Variants in PARP8 observed in about 807,000 individuals in gnomAD.
PARP8 encodes the protein poly(ADP-ribose) polymerase family member 8, also known as protein mono-ADP-ribosyltransferase PARP8.
Under a neutral mutation model 124.1 loss-of-function variants are expected in PARP8, and 51 were observed. The observed-to-expected ratio is 0.41, with a 90% CI of 0.33 to 0.52. The LOEUF is 0.52. Among genes scored for constraint, PARP8 ranks in the 20% least tolerant of loss-of-function variants. PARP8 has a pLI of 0.21. For missense variants in PARP8, 860 were observed against 1,018.9 expected, an observed-to-expected ratio of 0.84 and a Z score of 2.12; for synonymous variants, 391 against 361.5, an observed-to-expected ratio of 1.08 and a Z score of -0.93.
At chr5:50,739,719 T>G (rs989434047) in intron 2 of PARP8, among the ~76,000 whole-genome samples, 2 of 99,882 alleles carry the variant, frequency 2.0e-5, no homozygotes, top group Non-Finnish European at 4.2e-5. Flanking sequence ...CATATATATA[T>G]ATATATATAT....
At chr5:50,713,842 C>T (rs4866001) in intron 2 of PARP8, among the ~76,000 whole-genome samples, 3,339 of 152,054 alleles carry the variant, frequency 0.022, 61 homozygotes, top group Admixed American at 0.061. Context: ...TGAAGATGCT[C>T]TGCTGCAGCC....
intron 9 of PARP8, among the ~76,000 whole-genome samples, chr5:50,786,811 A>G (rs1741307035): frequency 6.6e-6 from 1 of 151,978 alleles, no homozygotes; most frequent in South Asian, 2.1e-4. Flanking sequence ...ACATAGACTT[A>G]CTGAGTGGTT....
chr5:50,706,285 A>T (rs573886381), intron 2 of PARP8, among the ~76,000 whole-genome samples: 1 of 152,020 alleles, frequency 6.6e-6, no homozygotes, highest in East Asian at 1.9e-4. Flanking sequence ...ATGCTTTTAC[A>T]TATATTTTAT....
chr5:50,788,416 G>C, intron 9 of PARP8, 107 bp from the exon 10 acceptor site: 1 of 889,944 alleles, frequency 1.1e-6, no homozygotes, highest in South Asian at 1.5e-5. Flanking sequence ...GTTTTTAAAT[G>C]TGTATATGTA....
At chr5:50,719,421 T>C (rs1755652077) in intron 2 of PARP8, among the ~76,000 whole-genome samples, 1 of 152,064 alleles carries the variant, frequency 6.6e-6, no homozygotes, top group Non-Finnish European at 1.5e-5. Context: ...TTCTGGAGTG[T>C]TTCTCAGTGT....
chr5:50,682,567 A>G (rs1285929104), intron 2 of PARP8, among the ~76,000 whole-genome samples: 1 of 152,168 alleles, frequency 6.6e-6, no homozygotes, highest in East Asian at 1.9e-4. Context: ...TTTAAGTTAA[A>G]AAAAAATTAC....
At chr5:50,734,911 G>A (rs1187636785) in intron 2 of PARP8, among the ~76,000 whole-genome samples, 1 of 152,088 alleles carries the variant, frequency 6.6e-6, no homozygotes, top group African/African-American at 2.4e-5. Flanking sequence ...AAGGGAAGCT[G>A]AGACAATGGG....
intron 15 of PARP8, among the ~76,000 whole-genome samples, chr5:50,815,809 C>G (rs549941851): frequency 5.9e-5 from 9 of 152,046 alleles, no homozygotes; most frequent in Admixed American, 3.9e-4. Flanking sequence ...ATATTGAAAC[C>G]CTCGTGCATG....
intron 2 of PARP8, among the ~76,000 whole-genome samples, chr5:50,725,061 C>T (rs894260246): frequency 8.9e-5 from 10 of 112,502 alleles, no homozygotes; most frequent in Non-Finnish European, 1.8e-4. Flanking sequence ...AGTAGTATTC[C>T]ATTGTGTGTG....
At chr5:50,720,762 C>T (rs1755794324) in intron 2 of PARP8, among the ~76,000 whole-genome samples, 1 of 151,516 alleles carries the variant, frequency 6.6e-6, no homozygotes, top group African/African-American at 2.4e-5. Flanking sequence ...CCACAAAAGC[C>T]TGCTTTTCCA....
rs573880047 is a variant in PARP8 at position 50,676,319 on chromosome 5, G to A, written c.146+8194G>A. Among the ~76,000 whole-genome samples the A allele has an allele frequency of 1.2e-4, 18 of 152,338 alleles. 1 individual carries two copies. Among genetic ancestry groups the A allele is most frequent in the African/African-American group, 4.3e-4 (18 of 41,576 alleles). On this transcript the variant is annotated intron_variant, in intron 2 of 25. Transcript: ENST00000281631. ...ATTTTCAGCAATTTTTATAGAAGTTGCTTTATGACAAAGAAAGCTTTGGTT... is the reference window on the plus strand; with the variant it reads ...ATTTTCAGCAATTTTTATAGAAGTTACTTTATGACAAAGAAAGCTTTGGTT...
chr5:50,685,509 C>G (rs1751761658), intron 2 of PARP8, among the ~76,000 whole-genome samples: 1 of 152,182 alleles, frequency 6.6e-6, no homozygotes, highest in African/African-American at 2.4e-5. Context: ...ATTCCATGTC[C>G]CATCTCTAGA....
At chr5:50,761,695 C>A in intron 5 of PARP8, 126 bp from the exon 6 acceptor site, 1 of 560,008 alleles carries the variant, frequency 1.8e-6, no homozygotes, top group South Asian at 2.3e-5. Flanking sequence ...GGTTTTACTG[C>A]ACCAAGATGT....
intron 19 of PARP8, 84 bp downstream of exon 19, chr5:50,826,887 T>C: frequency 6.6e-7 from 1 of 1,518,804 alleles, no homozygotes; most frequent in South Asian, 1.3e-5. Flanking sequence ...TTGTAATTTT[T>C]AGCCAGACTC....
chr5:50,696,559 CA>C (rs1052758888), intron 2 of PARP8, among the ~76,000 whole-genome samples: 30 of 152,346 alleles, frequency 2.0e-4, no homozygotes, highest in African/African-American at 7.2e-4. Context: ...CCCTCTGCAA[CA>C]GCGTTTCATG....
chr5:50,842,905 A>G lies in PARP8; in HGVS notation c.*837A>G, dbSNP rs1748314164. ...CTAAAAGTCATAATTTGGGGAACAT[A>G]CATGGCCTGGTAGACCGAATCTATA... On this transcript the variant is annotated 3_prime_UTR_variant, in exon 26 of 26. Transcript: ENST00000281631. The G allele has an allele frequency of 6.6e-6, 1 of 151,798 alleles. No homozygotes were observed. The highest frequency in any genetic ancestry group is 2.4e-5 in the African/African-American group (1 of 41,412). The allele number at this position is 151,798 out of a possible 1,614,324, so 9.4% of individuals were successfully genotyped here. A position where few individuals can be genotyped will look rare whatever the true frequency, so the allele number is the denominator to read the frequency against.
At chr5:50,672,175 T>A (rs1750105453) in intron 2 of PARP8, among the ~76,000 whole-genome samples, 1 of 152,190 alleles carries the variant, frequency 6.6e-6, no homozygotes, top group African/African-American at 2.4e-5. Flanking sequence ...CTGAGAAGCC[T>A]TTCCTGGCAT....
At position 50,766,065 on chromosome 5, in the gene PARP8, T is replaced by C. The variant is rs188686447; in HGVS notation, c.518+2823T>C. Among the ~76,000 whole-genome samples, 298 of 152,280 alleles carry C rather than the reference T, an allele frequency of 2.0e-3. 3 individuals carry two copies. Among genetic ancestry groups the C allele is most frequent in the African/African-American group, 6.8e-3 (282 of 41,552 alleles). ...CTGTAAGAGATGGAAGTAACTGAGA[T>C]TGCCTAGGCAAAATCCTGAGATTAT... On this transcript the variant is annotated intron_variant, in intron 7 of 25. Transcript: ENST00000281631.
intron 2 of PARP8, among the ~76,000 whole-genome samples, chr5:50,691,901 A>G (rs553866300): frequency 1.2e-4 from 18 of 152,240 alleles, no homozygotes; most frequent in South Asian, 6.2e-4. Context: ...CCTACTTACA[A>G]TTAATGACCA....
Sources: allele counts gnomAD v4.1 joint callset (sites outside exome capture counted in the v4.1 genomes callset), GRCh38; gene constraint gnomAD v4.1.1; transcripts MANE v1.5; gene names NCBI Gene and HGNC (gene_info 2026-07-23, HGNC 2026-07-21).